The following HIVEP3 variants were observed in gnomAD, a reference collection of about 807,000 sequenced individuals.
The protein encoded by HIVEP3 is HIVEP zinc finger 3.
In HIVEP3, 49 loss-of-function variants were observed where a neutral mutation model predicts 152.8. The observed-to-expected ratio is 0.32, with a 90% CI of 0.26 to 0.41. The LOEUF is 0.41. HIVEP3 is among the 10% of genes least tolerant of loss of function. The pLI is 1.00. For synonymous variants in HIVEP3, 1,269 were observed against 1,289.0 expected (o/e 0.98, Z 0.33); for missense variants, 2,790 against 3,103.3 (o/e 0.90, Z 2.40).
intron 2 of HIVEP3, among the ~76,000 whole-genome samples, chr1:41,658,119 C>T (rs951180981): frequency 1.3e-5 from 2 of 152,214 alleles, no homozygotes; most frequent in African/African-American, 4.8e-5. Context: ...CACAACTACA[C>T]CCTCTTCTGG....
chr1:42,023,119 G>A (rs1293445120), intron 1 of HIVEP3, among the ~76,000 whole-genome samples: 5 of 152,068 alleles, frequency 3.3e-5, no homozygotes, highest in South Asian at 2.1e-4. Flanking sequence ...TGATTCTCAT[G>A]CCTCAGCCTC....
chr1:41,918,843 A>G lies in HIVEP3; in HGVS notation c.-1231T>C, dbSNP rs1288858561. The stretch of plus-strand genomic sequence containing the variant: ...CACGGAATAAATTCAGCCTGCAGAC[A>G]CAGAATCTAATCAGCAGCTGTTTTC... On this transcript the variant is annotated 5_prime_UTR_variant, in exon 1 of 9. Transcript: ENST00000372583. This position sits in a 1 kb window ranked among gnomAD's most constrained non-coding sequence, Gnocchi z 4.3. The G allele has an allele frequency of 6.6e-6, 1 of 152,226 alleles. No individual in the cohort carries two copies. Among genetic ancestry groups the G allele is most frequent in the African/African-American group, 2.4e-5 (1 of 41,460 alleles). 9.4% of individuals were successfully genotyped at this position (152,226 alleles called of 1,614,324 possible). A position where few individuals can be genotyped will look rare whatever the true frequency, so the allele number is the denominator to read the frequency against.
chr1:41,673,815 T>G (rs144524416), intron 2 of HIVEP3, among the ~76,000 whole-genome samples: 2 of 152,296 alleles, frequency 1.3e-5, no homozygotes, highest in African/African-American at 4.8e-5. Flanking sequence ...CATCAGAAAT[T>G]TCCTGGCCAA....
chr1:41,612,170 C>T (rs1010222484), intron 3 of HIVEP3, among the ~76,000 whole-genome samples: 3 of 152,104 alleles, frequency 2.0e-5, no homozygotes, highest in Admixed American at 6.5e-5. Flanking sequence ...GCCTGCTGCC[C>T]GGTCCCCCAT....
At chr1:41,637,111 C>A (rs930948177) in intron 2 of HIVEP3, among the ~76,000 whole-genome samples, 4 of 152,168 alleles carry the variant, frequency 2.6e-5, no homozygotes, top group African/African-American at 9.7e-5. Context: ...ATCTTTTAAC[C>A]GTGTCTACCA....
At chr1:41,623,753 A>C (rs1305982639) in intron 3 of HIVEP3, among the ~76,000 whole-genome samples, 1 of 152,162 alleles carries the variant, frequency 6.6e-6, no homozygotes, top group Non-Finnish European at 1.5e-5. Flanking sequence ...GGTCTCTCAC[A>C]AACACGGCCC....
At chr1:41,850,648 G>T (rs1477531190) in intron 1 of HIVEP3, among the ~76,000 whole-genome samples, 1 of 152,132 alleles carries the variant, frequency 6.6e-6, no homozygotes, top group Non-Finnish European at 1.5e-5. Context: ...AAGCACTCAG[G>T]CCATGCCATG....
At chr1:41,613,219 A>T (rs1168778302) in intron 3 of HIVEP3, among the ~76,000 whole-genome samples, 1 of 152,248 alleles carries the variant, frequency 6.6e-6, no homozygotes, top group East Asian at 1.9e-4. Flanking sequence ...GGCCTGAGTG[A>T]ATGATTTCTT....
intron 1 of HIVEP3, among the ~76,000 whole-genome samples, chr1:41,990,859 G>A (rs540772053): frequency 8.3e-6 from 1 of 120,614 alleles, no homozygotes. Context: ...ACTCAAAACC[G>A]CTCAACTACA....
chr1:41,885,382 AG>A (rs1016243061), intron 1 of HIVEP3, among the ~76,000 whole-genome samples: 48 of 152,142 alleles, frequency 3.2e-4, no homozygotes, highest in African/African-American at 1.1e-3. Flanking sequence ...GAAAAAAAAA[AG>A]GGCCAGTCAC....
intron 3 of HIVEP3, among the ~76,000 whole-genome samples, chr1:41,609,203 A>T (rs1644863544): frequency 6.6e-6 from 1 of 152,232 alleles, no homozygotes; most frequent in Non-Finnish European, 1.5e-5. Context: ...GGATGTGGAC[A>T]CCGGAAAGGA....
At chr1:41,526,943 A>ACACT (rs1642967595) in intron 5 of HIVEP3, among the ~76,000 whole-genome samples, 1 of 124,708 alleles carries the variant, frequency 8.0e-6, no homozygotes, top group Non-Finnish European at 1.7e-5. Flanking sequence ...TCACCCTCAC[A>ACACT]CATGCTCACA....
At chr1:41,640,855 C>T (rs1030602565) in intron 2 of HIVEP3, among the ~76,000 whole-genome samples, 1 of 152,212 alleles carries the variant, frequency 6.6e-6, no homozygotes, top group Non-Finnish European at 1.5e-5. Flanking sequence ...GAGATGTGGA[C>T]AGCCTTGCAC....
intron 3 of HIVEP3, among the ~76,000 whole-genome samples, chr1:41,626,903 C>T (rs1460061629): frequency 1.3e-5 from 2 of 152,172 alleles, no homozygotes; most frequent in Non-Finnish European, 2.9e-5. Context: ...TAACCAGAGG[C>T]TCTGCCCCTT....
chr1:41,784,088 A>G (rs1298592611), intron 1 of HIVEP3, among the ~76,000 whole-genome samples: 1 of 152,216 alleles, frequency 6.6e-6, no homozygotes, highest in African/African-American at 2.4e-5. Context: ...GGCACATGAC[A>G]ATCAGGCAGG....
intron 2 of HIVEP3, among the ~76,000 whole-genome samples, chr1:41,638,226 A>G (rs1027228867): frequency 6.7e-6 from 1 of 149,720 alleles, no homozygotes. Flanking sequence ...GAAAGAAAGA[A>G]AGAGAGAGAC....
At chr1:41,777,547 A>G (rs1648784705) in intron 1 of HIVEP3, among the ~76,000 whole-genome samples, 1 of 152,200 alleles carries the variant, frequency 6.6e-6, no homozygotes, top group Non-Finnish European at 1.5e-5. Context: ...ATATAGCCTA[A>G]CACCCCACTG....
intron 1 of HIVEP3, among the ~76,000 whole-genome samples, chr1:41,824,851 T>C (rs540384286): frequency 1.5e-5 from 2 of 131,134 alleles, no homozygotes; most frequent in African/African-American, 5.9e-5. Flanking sequence ...AGTTTATATA[T>C]AGAGAGAGAG....
intron 1 of HIVEP3, among the ~76,000 whole-genome samples, chr1:41,934,454 G>C (rs115900334): frequency 6.6e-6 from 1 of 152,224 alleles, no homozygotes; most frequent in African/African-American, 2.4e-5. Context: ...CTCAAGAAAA[G>C]TTGTGAACTT....
Sources: allele counts gnomAD v4.1 joint callset (sites outside exome capture counted in the v4.1 genomes callset), GRCh38; gene constraint gnomAD v4.1.1; non-coding constraint Gnocchi (gnomAD v3.1); transcripts MANE v1.5; gene names NCBI Gene and HGNC (gene_info 2026-07-23, HGNC 2026-07-21).